The following DYTN variants were observed in gnomAD, a reference collection of about 807,000 sequenced individuals.
DYTN encodes dystrotelin.
DYTN carries 75 observed loss-of-function variants against 69.6 expected under a neutral mutation model. The ratio of observed to expected loss-of-function variants is 1.08; its 90% confidence interval spans 0.89 to 1.31. The LOEUF (loss-of-function observed/expected upper bound fraction) is 1.31, where lower values mean the gene tolerates loss of function less well. DYTN is among the 50% of genes most tolerant of loss of function. The pLI is 0.00. For missense variants in DYTN, 726 were observed against 688.4 expected, an observed-to-expected ratio of 1.05 and a Z score of -0.61; for synonymous variants, 252 against 249.1, an observed-to-expected ratio of 1.01 and a Z score of -0.11.
intron 2 of DYTN, among the ~76,000 whole-genome samples, chr2:206,709,587 C>G (rs2105902095): frequency 6.6e-6 from 1 of 152,200 alleles, no homozygotes; most frequent in East Asian, 1.9e-4. Flanking sequence ...TCCCACCTGG[C>G]TAACTCTTTT....
At chr2:206,711,180 C>T (rs575190016) in intron 1 of DYTN, among the ~76,000 whole-genome samples, 203 of 152,288 alleles carry the variant, frequency 1.3e-3, no homozygotes, top group Non-Finnish European at 1.8e-3. Flanking sequence ...TTAGTGTTCG[C>T]GGTTATTTTC....
chr2:206,696,014 GGAAGGTT>G (rs1699916923), intron 7 of DYTN, among the ~76,000 whole-genome samples: 3 of 152,322 alleles, frequency 2.0e-5, no homozygotes, highest in South Asian at 4.1e-4. Flanking sequence ...ACTTTGACAT[GGAAGGTT>G]GAAGTAATAA....
chr2:206,691,188 G>C (rs1001429765), intron 9 of DYTN, among the ~76,000 whole-genome samples: 2 of 152,080 alleles, frequency 1.3e-5, no homozygotes, highest in Non-Finnish European at 2.9e-5. Context: ...CAAGATGGGC[G>C]GATCACTTGA....
rs1201386122 is a variant in DYTN at position 206,688,430 on chromosome 2, C to A, written c.980+4745G>T. 3.9e-5 allele frequency among the ~76,000 whole-genome samples: 6 copies of A among 152,110 alleles called. 1 individual carries two copies. Among genetic ancestry groups the A allele is most frequent in the African/African-American group, 4.8e-5 (2 of 41,486 alleles). The stretch of plus-strand genomic sequence containing the variant: ...CCAAAGTAAAATCACCAACAAAAAG[C>A]ACAAATATAAAAAAACAAGACACAA... On this transcript the variant is annotated intron_variant, in intron 9 of 11. Transcript: ENST00000452335.
intron 1 of DYTN, among the ~76,000 whole-genome samples, chr2:206,714,110 G>A (rs1700104975): frequency 6.6e-6 from 1 of 152,232 alleles, no homozygotes; most frequent in Non-Finnish European, 1.5e-5. Context: ...AGAATGGAAA[G>A]GCAATGTTTC....
At chr2:206,716,903 C>T (rs982486509) in intron 1 of DYTN, among the ~76,000 whole-genome samples, 5 of 152,046 alleles carry the variant, frequency 3.3e-5, no homozygotes, top group Admixed American at 6.6e-5. Context: ...TGCTTTACAG[C>T]GTCATCTGAT....
At position 206,693,237 on chromosome 2, in the gene DYTN, C is replaced by A; in HGVS notation, c.918G>T (p.Ala306=). 6.2e-7 allele frequency: 1 copy of A among 1,613,568 alleles called. No homozygotes were observed. The highest frequency in any genetic ancestry group is 8.5e-7 in the Non-Finnish European group (1 of 1,179,848). ...LQGRCRKKEA[A]RRQQLLDQVN... ...CCTGGTCCAGCAGCTGCTGCCTTCTCGCTGCTTCTTTCTTCCTACAGCGCC... is the reference window on the plus strand; with the variant it reads ...CCTGGTCCAGCAGCTGCTGCCTTCTAGCTGCTTCTTTCTTCCTACAGCGCC... Residue 306 remains alanine, a synonymous_variant, in exon 9 of 12, where the codon GCG becomes GCT. Transcript: ENST00000452335.
intron 10 of DYTN, among the ~76,000 whole-genome samples, chr2:206,663,863 C>T (rs1349274137): frequency 6.6e-6 from 1 of 152,130 alleles, no homozygotes; most frequent in Non-Finnish European, 1.5e-5. Flanking sequence ...GCCCACAGAC[C>T]CTAGGAGATC....
chr2:206,713,010 G>C (rs368895068), intron 1 of DYTN, among the ~76,000 whole-genome samples: 145 of 152,346 alleles, frequency 9.5e-4, no homozygotes, highest in African/African-American at 3.1e-3. Flanking sequence ...ACACACAAGG[G>C]TGAGCAGAGA....
intron 11 of DYTN, among the ~76,000 whole-genome samples, chr2:206,660,310 T>C (rs1440138785): frequency 6.6e-6 from 1 of 152,220 alleles, no homozygotes; most frequent in Non-Finnish European, 1.5e-5. Context: ...CCTTGAACTA[T>C]GAATGAATCT....
At chr2:206,669,492 A>G (rs1045918906) in intron 9 of DYTN, among the ~76,000 whole-genome samples, 21 of 152,334 alleles carry the variant, frequency 1.4e-4, no homozygotes, top group African/African-American at 4.3e-4. Flanking sequence ...ATTTCATTCA[A>G]TAATCAGCCT....
intron 9 of DYTN, among the ~76,000 whole-genome samples, chr2:206,672,827 T>C (rs999746289): frequency 6.6e-6 from 1 of 152,250 alleles, no homozygotes; most frequent in Non-Finnish European, 1.5e-5. Context: ...ATTTGCAGAA[T>C]GTACACTTAA....
At chr2:206,674,487 G>A (rs570169323) in intron 9 of DYTN, among the ~76,000 whole-genome samples, 1 of 152,046 alleles carries the variant, frequency 6.6e-6, no homozygotes, top group African/African-American at 2.4e-5. Context: ...CTTTACTGTT[G>A]AATATTAGCA....
chr2:206,693,885 C>T (rs1198522942), intron 8 of DYTN, among the ~76,000 whole-genome samples: 1 of 152,080 alleles, frequency 6.6e-6, no homozygotes, highest in Non-Finnish European at 1.5e-5. Flanking sequence ...TCAACAAATC[C>T]AAGACTTTTA....
At chr2:206,710,672 C>G in intron 1 of DYTN, 74 bp from the exon 2 acceptor site, 5 of 1,206,200 alleles carry the variant, frequency 4.1e-6, no homozygotes, top group Non-Finnish European at 5.8e-6. Context: ...GAAGGAAATC[C>G]TAGAGATCAT....
chr2:206,682,585 C>CT (rs1699760622), intron 9 of DYTN, among the ~76,000 whole-genome samples: 1 of 152,008 alleles, frequency 6.6e-6, no homozygotes, highest in Non-Finnish European at 1.5e-5. Context: ...TCTCTTTCCC[C>CT]TCTACACTCT....
intron 8 of DYTN, among the ~76,000 whole-genome samples, chr2:206,694,064 G>A (rs1389343587): frequency 5.9e-5 from 9 of 152,150 alleles, no homozygotes; most frequent in Admixed American, 5.9e-4. Context: ...AACATCCTTC[G>A]CTATTGTGGT....
At chr2:206,666,249 C>A (rs1314395675) in intron 9 of DYTN, among the ~76,000 whole-genome samples, 3 of 152,142 alleles carry the variant, frequency 2.0e-5, no homozygotes, top group Non-Finnish European at 4.4e-5. Flanking sequence ...CTCTTGGGTT[C>A]AAGTGATTCT....
rs183694994 is a variant in DYTN, at chr2:206,710,854, T to C, written c.20-256A>G. On this transcript the variant is annotated intron_variant, in intron 1 of 11. Transcript: ENST00000452335. ...TCCATCAATCTGTCCACTTTTTATA[T>C]AAAAAGTCAATGGCCTTTGAAACAA... 4.0e-4 allele frequency among the ~76,000 whole-genome samples: 61 copies of C among 152,310 alleles called. 1 individual carries two copies. Among genetic ancestry groups the C allele is most frequent in the Admixed American group, 3.5e-3 (54 of 15,302 alleles).
Sources: gnomAD v4.1 joint callset for allele counts (sites outside exome capture counted in the v4.1 genomes callset) on GRCh38, gnomAD v4.1.1 for gene constraint, MANE v1.5 for transcripts, NCBI Gene and HGNC (gene_info 2026-07-23, HGNC 2026-07-21) for gene names.